MACROD2: variants seen among roughly 807,000 people sequenced by gnomAD.
The protein encoded by MACROD2 is ADP-ribose glycohydrolase MACROD2.
In MACROD2, 36 loss-of-function variants were observed where a neutral mutation model predicts 70.4. The ratio of observed to expected loss-of-function variants is 0.51; its 90% CI spans 0.39 to 0.68. The LOEUF (loss-of-function observed/expected upper bound fraction) is 0.68, where lower values mean the gene tolerates loss of function less well. MACROD2 is among the 30% of genes least tolerant of loss of function. The pLI, the probability that MACROD2 is intolerant of heterozygous loss-of-function variation, is 0.00. For missense variants in MACROD2, 496 were observed against 538.4 expected, an observed-to-expected ratio of 0.92 and a Z score of 0.78; for synonymous variants, 172 against 178.8, an observed-to-expected ratio of 0.96 and a Z score of 0.30.
chr20:14,130,925 TTTTTG>T (rs2054709108), intron 3 of MACROD2, among the ~76,000 whole-genome samples: 1 of 118,976 alleles, frequency 8.4e-6, no homozygotes, highest in South Asian at 2.5e-4. Flanking sequence ...AATTGTGTTT[TTTTTG>T]TTTTTTTTTT....
At position 14,668,374 on chromosome 20, in the gene MACROD2, C is replaced by T. The variant is rs188859712; in HGVS notation, c.302-16469C>T. 4.6e-5 allele frequency among the ~76,000 whole-genome samples: 7 copies of T among 152,190 alleles called. No homozygotes were observed. The East Asian group carries it at 9.7e-4, about 21-fold the overall frequency. On this transcript the variant is annotated intron_variant, in intron 4 of 17. Transcript: ENST00000684519. ...ATAAGGGGTAGAAAACTGGATAATT[C>T]GCTCCATTTACTTCTGTAAATGTAT...
At chr20:15,746,543 A>G (rs1362174789) in intron 8 of MACROD2, among the ~76,000 whole-genome samples, 1 of 140,466 alleles carries the variant, frequency 7.1e-6, no homozygotes, top group African/African-American at 2.7e-5. Context: ...TGAGTTTGGC[A>G]TGGTTGTTTG....
At chr20:15,778,925 C>T (rs1358788073) in intron 8 of MACROD2, among the ~76,000 whole-genome samples, 5 of 151,962 alleles carry the variant, frequency 3.3e-5, no homozygotes, top group Admixed American at 2.6e-4. Flanking sequence ...ATTATGGAAA[C>T]TTTAAGTGCT....
At chr20:15,503,329 G>T (rs1030908197) in intron 8 of MACROD2, among the ~76,000 whole-genome samples, 8 of 152,286 alleles carry the variant, frequency 5.3e-5, no homozygotes, top group Admixed American at 2.0e-4. Flanking sequence ...ATCTAATGAA[G>T]ATTTCAAATA....
intron 5 of MACROD2, among the ~76,000 whole-genome samples, chr20:14,961,890 A>C (rs1485270576): frequency 6.6e-6 from 1 of 152,194 alleles, no homozygotes; most frequent in Admixed American, 6.5e-5. Context: ...ACCATATGAC[A>C]ATTATCAAGA....
At chr20:15,029,799 A>G (rs576014994) in intron 5 of MACROD2, among the ~76,000 whole-genome samples, 94 of 152,330 alleles carry the variant, frequency 6.2e-4, no homozygotes, top group African/African-American at 2.0e-3. Flanking sequence ...CCTGAAACAT[A>G]TAAGAGGCAG....
intron 3 of MACROD2, among the ~76,000 whole-genome samples, chr20:14,089,256 T>C (rs1374532380): frequency 1.3e-5 from 2 of 152,224 alleles, no homozygotes; most frequent in East Asian, 3.9e-4. Context: ...TACACTGTAA[T>C]GGCTCTATTT....
chr20:14,265,047 G>A (rs752429589), intron 3 of MACROD2, among the ~76,000 whole-genome samples: 2 of 152,178 alleles, frequency 1.3e-5, no homozygotes. Flanking sequence ...CAGTGCTGAT[G>A]TTTCATGTGC....
chr20:14,906,941 G>A (rs184011790), intron 5 of MACROD2, among the ~76,000 whole-genome samples: 2 of 152,240 alleles, frequency 1.3e-5, no homozygotes, highest in East Asian at 3.9e-4. Flanking sequence ...ACAGAAGAAG[G>A]CTAACATGTA....
chr20:14,511,495 C>T (rs982085082), intron 4 of MACROD2, among the ~76,000 whole-genome samples: 1 of 151,992 alleles, frequency 6.6e-6, no homozygotes, highest in East Asian at 1.9e-4. Context: ...CAGCTAATAT[C>T]TGTGATCTTT....
intron 4 of MACROD2, among the ~76,000 whole-genome samples, chr20:14,560,367 G>A (rs1979351344): frequency 6.7e-6 from 1 of 149,496 alleles, no homozygotes; most frequent in South Asian, 2.1e-4. Flanking sequence ...ATACATGCCC[G>A]GATATACAGG....
chr20:15,419,332 A>G (rs1366950799), intron 6 of MACROD2, among the ~76,000 whole-genome samples: 5 of 152,154 alleles, frequency 3.3e-5, no homozygotes, highest in African/African-American at 4.8e-5. Context: ...CTCTATGTGC[A>G]CTATAAAAGT....
At chr20:14,469,831 C>T (rs949252442) in intron 3 of MACROD2, among the ~76,000 whole-genome samples, 2 of 151,944 alleles carry the variant, frequency 1.3e-5, no homozygotes, top group African/African-American at 2.4e-5. Context: ...ATTCCTCTAA[C>T]CTTTTTTCAA....
chr20:14,460,778 A>C (rs1463653422), intron 3 of MACROD2, among the ~76,000 whole-genome samples: 1 of 152,074 alleles, frequency 6.6e-6, no homozygotes, highest in African/African-American at 2.4e-5. Context: ...AGCCGACTTG[A>C]TCATGGTGGA....
At chr20:14,735,090 T>C (rs751998957) in intron 5 of MACROD2, among the ~76,000 whole-genome samples, 2 of 152,092 alleles carry the variant, frequency 1.3e-5, no homozygotes, top group Admixed American at 6.5e-5. Context: ...GATTCTTACA[T>C]ATGACACCAA....
chr20:15,948,278 C>T (rs1479654845), intron 12 of MACROD2, among the ~76,000 whole-genome samples: 2 of 147,850 alleles, frequency 1.4e-5, no homozygotes, highest in Non-Finnish European at 3.0e-5. Context: ...CACCTGAGAG[C>T]ACAGTGGGAG....
At chr20:15,604,251 G>A (rs1422293075) in intron 8 of MACROD2, among the ~76,000 whole-genome samples, 1 of 152,216 alleles carries the variant, frequency 6.6e-6, no homozygotes, top group African/African-American at 2.4e-5. Context: ...TTGATCAAAT[G>A]AGCTTATTTG....
intron 5 of MACROD2, among the ~76,000 whole-genome samples, chr20:14,747,445 G>A (rs2071813831): frequency 6.6e-6 from 1 of 152,082 alleles, no homozygotes; most frequent in Non-Finnish European, 1.5e-5. Context: ...TTGACAACTA[G>A]GTGACTGGGT....
intron 3 of MACROD2, among the ~76,000 whole-genome samples, chr20:14,332,888 G>A (rs2082870409): frequency 6.6e-6 from 1 of 152,070 alleles, no homozygotes; most frequent in South Asian, 2.1e-4. Flanking sequence ...AGCTCAACCT[G>A]TGAATGCTAA....
Sources: allele counts gnomAD v4.1 joint callset (sites outside exome capture counted in the v4.1 genomes callset), GRCh38; gene constraint gnomAD v4.1.1; transcripts MANE v1.5; gene names NCBI Gene and HGNC (gene_info 2026-07-23, HGNC 2026-07-21).